XPO4: variants seen among roughly 807,000 people sequenced by gnomAD.
XPO4 encodes exportin-4.
In XPO4, 39 loss-of-function variants were observed where a neutral mutation model predicts 143.0. The observed-to-expected ratio is 0.27, with a 90% CI of 0.21 to 0.36. The LOEUF (loss-of-function observed/expected upper bound fraction) is 0.36. XPO4 is among the 10% of genes least tolerant of loss of function. XPO4 has a pLI of 1.00. For missense variants in XPO4, 907 were observed against 1,348.0 expected (o/e 0.67, Z 5.12); for synonymous variants, 439 against 474.0 (o/e 0.93, Z 0.96).
At chr13:20,872,911 T>C (rs2060313999) in intron 1 of XPO4, among the ~76,000 whole-genome samples, 1 of 152,156 alleles carries the variant, frequency 6.6e-6, no homozygotes, top group Admixed American at 6.6e-5. Context: ...GTGTTCTGCA[T>C]AGCCTGTGAA....
chr13:20,830,296 T>C (rs1386910583), intron 6 of XPO4, among the ~76,000 whole-genome samples: 2 of 152,154 alleles, frequency 1.3e-5, no homozygotes, highest in African/African-American at 4.8e-5. Context: ...CCATAATTAT[T>C]ACAAAACTCC....
At position 20,790,566 on chromosome 13, in the gene XPO4, C is replaced by T; in HGVS notation, c.2812G>A (p.Gly938Arg). The change falls in exon 19 of 23, where the codon GGA (glycine) becomes AGA (arginine). Residue 938 changes from glycine to arginine, a missense_variant. Transcript: ENST00000255305. ...TTTGCTGCTTGACCTGGCTCATGTC[C>T]TCTAAACACTTCATCTATTAAAATA... ...DFSDTDEVFR[G>R]HEPGQAANRS... 1 of 1,613,848 alleles carries T rather than the reference C, an allele frequency of 6.2e-7. No individual in the cohort carries two copies. The highest frequency in any genetic ancestry group is 2.2e-5 in the East Asian group (1 of 44,878).
At chr13:20,809,264 T>C (rs375657124) in intron 10 of XPO4, 39 bp from the exon 11 acceptor site, 112 of 1,600,164 alleles carry the variant, frequency 7.0e-5, no homozygotes, top group Non-Finnish European at 8.6e-5. Context: ...AGGAACTGCA[T>C]TGCCTATTCA....
rs561348606 is a variant in XPO4, at chr13:20,784,857, G to A, written c.3259-938C>T. Among the ~76,000 whole-genome samples the A allele has an allele frequency of 3.9e-4, 59 of 152,164 alleles. No homozygotes were observed. The Middle Eastern group carries it at 0.014, about 35-fold the overall frequency. ...ACTTGGGAGGCTGAGATGGGAGATC[G>A]CTTGAGCCCAAGAGGTTGAGGCTGC... On this transcript the variant is annotated intron_variant, in intron 22 of 22. Coordinates refer to ENST00000255305, the MANE Select transcript of XPO4 (RefSeq NM_022459.5).
Position 20,802,966 on chromosome 13 carries a change from T to C in XPO4, c.1818-1976A>G, listed in dbSNP as rs142995042. 4.5e-4 allele frequency among the ~76,000 whole-genome samples: 69 copies of C among 152,324 alleles called. No homozygotes were observed. In the East Asian group the frequency reaches 0.013, roughly 28 times the overall value. On this transcript the variant is annotated intron_variant, in intron 13 of 22. Transcript: ENST00000255305. ...GCATCTCTTAATGTGATTAACTTAG[T>C]AGGGTTCTTTCCCCACTTAGTACAC...
chr13:20,892,096 G>A (rs923600358), intron 1 of XPO4, among the ~76,000 whole-genome samples: 2 of 150,414 alleles, frequency 1.3e-5, no homozygotes, highest in African/African-American at 2.4e-5. Flanking sequence ...GCATGATCTC[G>A]GCTCACTCCA....
intron 7 of XPO4, among the ~76,000 whole-genome samples, chr13:20,825,439 C>G (rs576213003): frequency 6.6e-6 from 1 of 152,112 alleles, no homozygotes; most frequent in Non-Finnish European, 1.5e-5. Context: ...AAACAAGTAA[C>G]AAACTTGTTC....
At chr13:20,839,202 T>G (rs1460791594) in intron 6 of XPO4, among the ~76,000 whole-genome samples, 1 of 152,166 alleles carries the variant, frequency 6.6e-6, no homozygotes, top group African/African-American at 2.4e-5. Flanking sequence ...AGGCAGAGGT[T>G]GCAGTGAGCC....
At chr13:20,796,302 C>T (rs2059357997) in intron 17 of XPO4, 46 bp from the exon 18 acceptor site, 1 of 1,373,266 alleles carries the variant, frequency 7.3e-7, no homozygotes, top group East Asian at 2.5e-5. Context: ...GGTACACTGA[C>T]ATTAAAAAAA....
chr13:20,893,661 C>T (rs2060540286), intron 1 of XPO4, among the ~76,000 whole-genome samples: 1 of 151,452 alleles, frequency 6.6e-6, no homozygotes, highest in South Asian at 2.1e-4. Flanking sequence ...GAGGCCAAGT[C>T]AGGAGAATTG....
intron 1 of XPO4, among the ~76,000 whole-genome samples, chr13:20,899,711 A>G (rs1298704769): frequency 6.6e-6 from 1 of 152,222 alleles, no homozygotes; most frequent in Non-Finnish European, 1.5e-5. Flanking sequence ...CCATAAAACA[A>G]CTATATGAGT....
At chr13:20,892,903 T>G (rs1390889256) in intron 1 of XPO4, among the ~76,000 whole-genome samples, 1 of 140,318 alleles carries the variant, frequency 7.1e-6, no homozygotes, top group Non-Finnish European at 1.6e-5. Flanking sequence ...AAAAAAAAAA[T>G]AAAAGAACTA....
At chr13:20,824,485 A>G (rs1222138226) in intron 7 of XPO4, among the ~76,000 whole-genome samples, 2 of 152,258 alleles carry the variant, frequency 1.3e-5, no homozygotes, top group Non-Finnish European at 2.9e-5. Context: ...AACTAAAAAT[A>G]AAGTTAAAAT....
rs975871066 is a variant in XPO4, at chr13:20,868,669, G to C, written c.102C>G (p.Arg34=). 2 of 1,613,082 alleles carry C rather than the reference G, an allele frequency of 1.2e-6. No individual in the cohort carries two copies. Among genetic ancestry groups the C allele is most frequent in the Middle Eastern group, 1.7e-4 (1 of 6,056 alleles). ...APPSMVNNEQ[R]QHAEHIFLSF... ...ATAAGAATATGTGCTCTGCATGCTG[G>C]CGTTGTTCATTATTGACCATGGAAG... is the stretch of plus-strand genomic sequence containing the variant. The change falls in exon 2 of 23, where the codon CGC becomes CGG. Residue 34 remains arginine (R), a synonymous_variant. Coordinates refer to ENST00000255305, the MANE Select transcript of XPO4 (RefSeq NM_022459.5).
chr13:20,796,616 T>A (rs112684777), intron 17 of XPO4, 148 bp downstream of exon 17: 3 of 734,200 alleles, frequency 4.1e-6, no homozygotes, highest in African/African-American at 3.7e-5. Flanking sequence ...AATTATAAGT[T>A]CTTTTCAAAA....
intron 6 of XPO4, among the ~76,000 whole-genome samples, chr13:20,828,437 T>C (rs2059813548): frequency 6.6e-6 from 1 of 152,226 alleles, no homozygotes; most frequent in Non-Finnish European, 1.5e-5. Context: ...TCGTTATTTT[T>C]ACAGAAAAAT....
rs1370738708 is a variant in XPO4, at chr13:20,803,677, C to A, written c.1818-2687G>T. Among the ~76,000 whole-genome samples the A allele has an allele frequency of 6.6e-6, 1 of 152,090 alleles. No individual in the cohort carries two copies. Among genetic ancestry groups the A allele is most frequent in the African/African-American group, 2.4e-5 (1 of 41,410 alleles). ...TTTTACTCCCACTTTATCAGCCCCACCCACAGCAACCTCCCTGCCTCTCCA... is the reference window on the plus strand; with the variant it reads ...TTTTACTCCCACTTTATCAGCCCCAACCACAGCAACCTCCCTGCCTCTCCA... On this transcript the variant is annotated intron_variant, in intron 13 of 22. Coordinates refer to ENST00000255305, the MANE Select transcript of XPO4 (RefSeq NM_022459.5). The surrounding 1 kb of genome is among the most constrained non-coding windows in gnomAD (Gnocchi z 4.1).
At chr13:20,809,725 T>C in intron 10 of XPO4, 66 bp downstream of exon 10, 2 of 1,491,170 alleles carry the variant, frequency 1.3e-6, no homozygotes, top group Non-Finnish European at 1.8e-6. Context: ...TTATATAATG[T>C]GTAACATGGT....
chr13:20,801,225 T>G (rs2059428297), intron 13 of XPO4, among the ~76,000 whole-genome samples: 1 of 152,190 alleles, frequency 6.6e-6, no homozygotes, highest in African/African-American at 2.4e-5. Context: ...GTCCTTCTGC[T>G]GAAGTTGTAA....
Sources: allele counts gnomAD v4.1 joint callset (sites outside exome capture counted in the v4.1 genomes callset), GRCh38; gene constraint gnomAD v4.1.1; non-coding constraint Gnocchi (gnomAD v3.1); transcripts MANE v1.5; gene names NCBI Gene and HGNC (gene_info 2026-07-23, HGNC 2026-07-21).